Variants in SLC24A4 observed in about 807,000 individuals in gnomAD.
SLC24A4 encodes sodium/potassium/calcium exchanger 4.
SLC24A4 carries 53 observed loss-of-function variants against 79.0 expected under a neutral mutation model. That is an observed-to-expected ratio of 0.67 (90% CI 0.54 to 0.84). SLC24A4 has a LOEUF of 0.84. Ranked by LOEUF, SLC24A4 falls within the 40% of genes least tolerant of loss-of-function variation. The pLI is 0.00. For missense variants in SLC24A4, 731 were observed against 822.0 expected (o/e 0.89, Z 1.35); for synonymous variants, 323 against 323.8 (o/e 1.00, Z 0.03).
intron 2 of SLC24A4, among the ~76,000 whole-genome samples, chr14:92,391,035 A>G (rs1889431021): frequency 6.6e-6 from 1 of 152,198 alleles, no homozygotes; most frequent in African/African-American, 2.4e-5. Context: ...GAGGTGGAAT[A>G]AAGGCACCTG....
chr14:92,355,859 C>T (rs1193066311), intron 2 of SLC24A4, among the ~76,000 whole-genome samples: 1 of 152,166 alleles, frequency 6.6e-6, no homozygotes, highest in Non-Finnish European at 1.5e-5. Context: ...CGTGCTCTCC[C>T]TTGTTGCTTT....
intron 2 of SLC24A4, among the ~76,000 whole-genome samples, chr14:92,364,940 C>T (rs1404938683): frequency 5.3e-5 from 8 of 152,330 alleles, no homozygotes; most frequent in Middle Eastern, 6.8e-3. Context: ...CCAAAGGTGC[C>T]GTGAGAGCCC....
At chr14:92,463,826 A>G (rs1173932344) in intron 12 of SLC24A4, among the ~76,000 whole-genome samples, 3 of 151,986 alleles carry the variant, frequency 2.0e-5, no homozygotes, top group Non-Finnish European at 4.4e-5. Context: ...CCGACCCCCT[A>G]GCAACCACTA....
intron 2 of SLC24A4, among the ~76,000 whole-genome samples, chr14:92,418,758 G>C (rs775745705): frequency 1.7e-4 from 26 of 152,322 alleles, no homozygotes; most frequent in South Asian, 6.2e-4. Context: ...CTGGAGTGCA[G>C]TGGCGTGATC....
intron 10 of SLC24A4, 145 bp from the exon 11 acceptor site, chr14:92,453,755 G>T: frequency 1.3e-6 from 1 of 790,068 alleles, no homozygotes; most frequent in Non-Finnish European, 1.9e-6. Flanking sequence ...AGGAGTTGAA[G>T]CCAGGCATCC....
At chr14:92,329,796 C>T (rs4904872) in intron 2 of SLC24A4, among the ~76,000 whole-genome samples, 109,015 of 152,238 alleles carry the variant, frequency 0.72, 41,020 homozygotes, top group East Asian at 0.93. Flanking sequence ...CGTGGGCCAC[C>T]GTGCCCTCCT....
chr14:92,433,552 C>G (rs758092407), intron 2 of SLC24A4, among the ~76,000 whole-genome samples: 32 of 152,290 alleles, frequency 2.1e-4, no homozygotes, highest in Non-Finnish European at 3.2e-4. Context: ...TTTTACATTT[C>G]CACCAGCAGT....
intron 2 of SLC24A4, among the ~76,000 whole-genome samples, chr14:92,340,142 T>C (rs1886042549): frequency 6.6e-6 from 1 of 152,234 alleles, no homozygotes; most frequent in Non-Finnish European, 1.5e-5. Flanking sequence ...AGCCATGTAG[T>C]GTAAATACAG....
At chr14:92,408,719 T>TA (rs1890541835) in intron 2 of SLC24A4, among the ~76,000 whole-genome samples, 1 of 152,238 alleles carries the variant, frequency 6.6e-6, no homozygotes, top group African/African-American at 2.4e-5. Flanking sequence ...GGATTTTTTT[T>TA]ATTTCTCTAC....
Position 92,453,942 on chromosome 14 carries a change from T to G in SLC24A4, c.923T>G (p.Val308Gly). Residue 308 changes from valine to glycine, a missense_variant, in exon 11 of 17, where the codon GTG (valine) becomes GGG (glycine). Coordinates refer to ENST00000532405, the MANE Select transcript of SLC24A4 (RefSeq NM_153646.4). The part of the protein sequence containing the change: ...PQYGKNPVVM[V>G]DEIMSSSPPK... ...TATGGCAAGAACCCCGTGGTGATGG[T>G]GGACGAGATTATGAGCTCCAGCCCT... is the stretch of plus-strand genomic sequence containing the variant. The G allele has an allele frequency of 5.0e-6, 8 of 1,613,424 alleles. No homozygotes were observed. The highest frequency in any genetic ancestry group is 6.8e-6 in the Non-Finnish European group (8 of 1,179,694).
At chr14:92,415,804 A>G (rs970070731) in intron 2 of SLC24A4, among the ~76,000 whole-genome samples, 5 of 151,834 alleles carry the variant, frequency 3.3e-5, no homozygotes, top group Non-Finnish European at 5.9e-5. Context: ...TTTGGGGAAC[A>G]GGTGGTATTT....
At chr14:92,465,848 C>T (rs1566789001) in intron 12 of SLC24A4, among the ~76,000 whole-genome samples, 2 of 152,260 alleles carry the variant, frequency 1.3e-5, no homozygotes, top group East Asian at 3.9e-4. Flanking sequence ...CCCAGACAAC[C>T]TACACCTGTG....
intron 2 of SLC24A4, among the ~76,000 whole-genome samples, chr14:92,352,055 G>A (rs1886926676): frequency 6.6e-6 from 1 of 152,058 alleles, no homozygotes; most frequent in Admixed American, 6.6e-5. Flanking sequence ...AATGAGGAAG[G>A]GAACTCCCAT....
Position 92,493,529 on chromosome 14 carries a change from C to T in SLC24A4, c.1770C>T (p.Tyr590=), listed in dbSNP as rs1478660207. The T allele has an allele frequency of 5.0e-6, 8 of 1,614,206 alleles. No individual in the cohort carries two copies. The highest frequency in any genetic ancestry group is 2.2e-5 in the East Asian group (1 of 44,892). Residue 590 remains tyrosine (Y), a synonymous_variant, in exon 17 of 17, where the codon TAC becomes TAT. Coordinates refer to ENST00000532405, the MANE Select transcript of SLC24A4 (RefSeq NM_153646.4). ...KWRLDRKLGV[Y]VLVLYAIFLC... ...GACTGGACCGGAAGCTGGGTGTCTA[C>T]GTGCTGGTTCTCTACGCCATCTTCT...
intron 12 of SLC24A4, among the ~76,000 whole-genome samples, chr14:92,473,981 C>A (rs1894577843): frequency 6.6e-6 from 1 of 152,168 alleles, no homozygotes; most frequent in African/African-American, 2.4e-5. Context: ...ACTCCTGTAC[C>A]CAGGCACCTC....
At chr14:92,438,041 C>T (rs113187726) in intron 3 of SLC24A4, among the ~76,000 whole-genome samples, 8 of 152,264 alleles carry the variant, frequency 5.3e-5, no homozygotes, top group African/African-American at 1.9e-4. Context: ...CAGCAGACAC[C>T]AGCTGGGTGT....
chr14:92,398,614 G>T lies in SLC24A4; in HGVS notation c.242-35298G>T, dbSNP rs1159014719. The stretch of plus-strand genomic sequence containing the variant: ...GACCACACCTGGCCAGGGCTGCTGG[G>T]ACAGGCTCCTTCACATCTGTCCCAC... On this transcript the variant is annotated intron_variant, in intron 2 of 16. Coordinates refer to ENST00000532405, the MANE Select transcript of SLC24A4 (RefSeq NM_153646.4). This position sits in a 1 kb window ranked among gnomAD's most constrained non-coding sequence, Gnocchi z 4.1. Among the ~76,000 whole-genome samples, 1 of 152,162 alleles carries T rather than the reference G, an allele frequency of 6.6e-6. No homozygotes were observed. Among genetic ancestry groups the T allele is most frequent in the Non-Finnish European group, 1.5e-5 (1 of 68,018 alleles).
intron 2 of SLC24A4, among the ~76,000 whole-genome samples, chr14:92,417,771 C>G (rs186169897): frequency 3.1e-3 from 467 of 152,338 alleles, no homozygotes; most frequent in African/African-American, 0.011. Flanking sequence ...TTTCAACTAC[C>G]TGCGGTATTC....
chr14:92,467,784 C>T (rs1894204654), intron 12 of SLC24A4, among the ~76,000 whole-genome samples: 1 of 152,154 alleles, frequency 6.6e-6, no homozygotes, highest in South Asian at 2.1e-4. Context: ...TCTTCATAGG[C>T]CAGCACAGAA....
Sources: gnomAD v4.1 joint callset for allele counts (sites outside exome capture counted in the v4.1 genomes callset) on GRCh38, gnomAD v4.1.1 for gene constraint, Gnocchi (gnomAD v3.1) non-coding constraint, MANE v1.5 for transcripts, NCBI Gene and HGNC (gene_info 2026-07-23, HGNC 2026-07-21) for gene names.